Variants in TMEM131 observed in about 807,000 individuals in gnomAD.
The protein encoded by TMEM131 is transmembrane protein 131.
In TMEM131, 66 loss-of-function variants were observed where a neutral mutation model predicts 211.6. That is an observed-to-expected ratio of 0.31 (90% confidence interval 0.26 to 0.38). TMEM131 has a LOEUF of 0.38. Ranked by LOEUF, TMEM131 falls within the 10% of genes least tolerant of loss-of-function variation. TMEM131 has a pLI of 1.00. For synonymous variants in TMEM131, 844 were observed against 841.3 expected (o/e 1.00, Z -0.06); for missense variants, 2,036 against 2,299.3 (o/e 0.89, Z 2.34).
chr2:97,785,349 T>C (rs1005885261), intron 31 of TMEM131, among the ~76,000 whole-genome samples: 2 of 152,082 alleles, frequency 1.3e-5, no homozygotes, highest in African/African-American at 2.4e-5. Context: ...ATTAAAACAA[T>C]GGGCAAAAGA....
At chr2:97,847,958 TAAAG>T (rs778771037) in intron 5 of TMEM131, among the ~76,000 whole-genome samples, 1 of 151,904 alleles carries the variant, frequency 6.6e-6, no homozygotes, top group Non-Finnish European at 1.5e-5. Flanking sequence ...ATTTAGATGA[TAAAG>T]AAAGGAAATA....
In TMEM131 at chr2:97,808,027, T is replaced by A. The variant is rs527381495; in HGVS notation, c.2055+1661A>T. ...TTGGGGCCAGAAGTGTTTTAGATTT[T>A]TTTTTTGGAATATTTACATATATAT... On this transcript the variant is annotated intron_variant, in intron 19 of 40. Coordinates refer to ENST00000186436, the MANE Select transcript of TMEM131 (RefSeq NM_015348.2). 2.0e-4 allele frequency among the ~76,000 whole-genome samples: 30 copies of A among 152,344 alleles called. No homozygotes were observed. The East Asian group carries it at 5.2e-3, about 26-fold the overall frequency.
rs755515960 is a variant in TMEM131, at chr2:97,805,199, G to A, written c.2291C>T (p.Pro764Leu). The change falls in exon 22 of 41, where the codon CCC becomes CTC. Residue 764 changes from proline to leucine, a missense_variant. Physicochemically the swap from Pro to Leu is moderately conservative, Grantham distance 98. This residue lies in a region of TMEM131 where 1,623 missense variants were observed against 1,805.9 expected (regional missense o/e 0.90). Transcript: ENST00000186436. ...CATGGCTACACCAGGCTGCACTTTGGGTTCAGCTAAAACAAGGAAACATAC... is the reference window on the plus strand; with the variant it reads ...CATGGCTACACCAGGCTGCACTTTGAGTTCAGCTAAAACAAGGAAACATAC... Reference protein sequence around the residue: ...VGLPFLSKSEPKVQPGVAMQE... With the variant: ...VGLPFLSKSELKVQPGVAMQE... 2 of 1,611,478 alleles carry A rather than the reference G, an allele frequency of 1.2e-6. No individual in the cohort carries two copies. Among genetic ancestry groups the A allele is most frequent in the South Asian group, 2.2e-5 (2 of 90,678 alleles).
At chr2:97,838,469 G>A (rs1261953432) in intron 7 of TMEM131, among the ~76,000 whole-genome samples, 3 of 112,578 alleles carry the variant, frequency 2.7e-5, no homozygotes, top group Non-Finnish European at 3.3e-5. Flanking sequence ...TTTTGAGACG[G>A]AGTCTCGCCC....
At chr2:97,950,616 A>T (rs1030622241) in intron 1 of TMEM131, among the ~76,000 whole-genome samples, 1 of 152,114 alleles carries the variant, frequency 6.6e-6, no homozygotes, top group Non-Finnish European at 1.5e-5. Flanking sequence ...AGCAGTTAAC[A>T]TCACTGACTT....
chr2:97,809,907 A>G lies in TMEM131; in HGVS notation c.1969-133T>C, dbSNP rs563967262. On this transcript the variant is annotated intron_variant, in intron 18 of 40. Coordinates refer to ENST00000186436, the MANE Select transcript of TMEM131 (RefSeq NM_015348.2). ...CAATAACCAGCTCCATACCAATATTAAAATCACCCATAGATACTGTTTAAT... is the reference window on the plus strand; with the variant it reads ...CAATAACCAGCTCCATACCAATATTGAAATCACCCATAGATACTGTTTAAT... 801 of 640,322 alleles carry G rather than the reference A, an allele frequency of 1.3e-3. 1 individual carries two copies. Among genetic ancestry groups the G allele is most frequent in the Non-Finnish European group, 1.8e-3 (631 of 351,078 alleles). 39.7% of individuals were successfully genotyped at this position (640,322 alleles called of 1,614,324 possible).
At chr2:97,964,238 T>C (rs539812889) in intron 1 of TMEM131, among the ~76,000 whole-genome samples, 171 of 152,354 alleles carry the variant, frequency 1.1e-3, no homozygotes, top group African/African-American at 4.0e-3. Flanking sequence ...AATACTGCTG[T>C]AATACAATTT....
intron 38 of TMEM131, chr2:97,760,067 G>C (rs1323427081): frequency 6.2e-6 from 2 of 323,758 alleles, no homozygotes; most frequent in Non-Finnish European, 1.2e-5. Flanking sequence ...TTCAAATCTA[G>C]AACTCATTTC....
intron 5 of TMEM131, among the ~76,000 whole-genome samples, chr2:97,857,666 A>G (rs1223390058): frequency 1.3e-5 from 2 of 152,168 alleles, no homozygotes; most frequent in African/African-American, 2.4e-5. Context: ...ACATAAATAC[A>G]TCTCTCTATA....
intron 1 of TMEM131, 72 bp downstream of exon 1, chr2:97,995,404 G>T: frequency 7.8e-7 from 1 of 1,274,902 alleles, no homozygotes; most frequent in South Asian, 2.4e-5. Flanking sequence ...CTTCCTCCCG[G>T]CCCAGCCCTC....
intron 31 of TMEM131, among the ~76,000 whole-genome samples, chr2:97,791,515 C>T (rs1680496550): frequency 1.3e-5 from 2 of 152,286 alleles, no homozygotes; most frequent in South Asian, 4.1e-4. Flanking sequence ...GAGCTTGGGC[C>T]CTCCGTCCAA....
intron 1 of TMEM131, among the ~76,000 whole-genome samples, chr2:97,935,085 G>A (rs1677386594): frequency 6.6e-6 from 1 of 151,990 alleles, no homozygotes; most frequent in Admixed American, 6.5e-5. Flanking sequence ...GACAAACTAC[G>A]AAAAGGTATA....
chr2:97,968,599 T>C (rs1367639859), intron 1 of TMEM131, among the ~76,000 whole-genome samples: 2 of 152,184 alleles, frequency 1.3e-5, no homozygotes, highest in Non-Finnish European at 1.5e-5. Context: ...TCAGGAAGTA[T>C]GCCAAGCAGT....
chr2:97,835,254 T>C (rs6738401), intron 8 of TMEM131, among the ~76,000 whole-genome samples: 41,243 of 152,154 alleles, frequency 0.27, 6,141 homozygotes, highest in Middle Eastern at 0.36. Context: ...TTTTTTAATA[T>C]GCTAGTTAGT....
chr2:97,919,408 T>C (rs1269802344), intron 2 of TMEM131, among the ~76,000 whole-genome samples: 3 of 152,202 alleles, frequency 2.0e-5, no homozygotes, highest in East Asian at 3.8e-4. Flanking sequence ...GATATTTTCA[T>C]TGGGTATAGA....
At chr2:97,983,354 C>G (rs1679883696) in intron 1 of TMEM131, among the ~76,000 whole-genome samples, 2 of 152,150 alleles carry the variant, frequency 1.3e-5, no homozygotes, top group Non-Finnish European at 2.9e-5. Context: ...GTCCGACCCC[C>G]TCTTCCCATC....
intron 1 of TMEM131, among the ~76,000 whole-genome samples, chr2:97,944,496 C>T (rs1337429167): frequency 6.6e-6 from 1 of 152,068 alleles, no homozygotes; most frequent in Non-Finnish European, 1.5e-5. Flanking sequence ...ACAGTTTGTG[C>T]TTCAAAGGGC....
intron 31 of TMEM131, among the ~76,000 whole-genome samples, chr2:97,788,416 T>C (rs1457986949): frequency 6.6e-6 from 1 of 152,190 alleles, no homozygotes; most frequent in Non-Finnish European, 1.5e-5. Context: ...GAGGATGACT[T>C]AGTTCAAGTA....
chr2:97,842,613 G>T (rs973860659), intron 6 of TMEM131, among the ~76,000 whole-genome samples: 14 of 152,130 alleles, frequency 9.2e-5, no homozygotes, highest in African/African-American at 3.4e-4. Context: ...AGTGAGAGTG[G>T]CCTGGAAGAC....
Sources: allele counts gnomAD v4.1 joint callset (sites outside exome capture counted in the v4.1 genomes callset), GRCh38; gene constraint gnomAD v4.1.1; regional missense constraint gnomAD v4.1.1; transcripts MANE v1.5; gene names NCBI Gene and HGNC (gene_info 2026-07-23, HGNC 2026-07-21).